The following WDR35 variants were observed in gnomAD, a reference collection of about 807,000 sequenced individuals.
WDR35 encodes the protein WD repeat domain 35, also known as WD repeat-containing protein 35.
WDR35 carries 118 observed loss-of-function variants against 158.3 expected under a neutral mutation model. The observed-to-expected ratio is 0.75, with a 90% CI of 0.64 to 0.87. WDR35 has a LOEUF of 0.87. Ranked by LOEUF, WDR35 falls within the 40% of genes least tolerant of loss-of-function variation. The pLI is 0.00. For synonymous variants in WDR35, 448 were observed against 476.1 expected (o/e 0.94, Z 0.77); for missense variants, 1,263 against 1,405.8 (o/e 0.90, Z 1.62).
chr2:19,949,168 T>C (rs1457655707), intron 13 of WDR35, among the ~76,000 whole-genome samples: 5 of 152,164 alleles, frequency 3.3e-5, no homozygotes, highest in Admixed American at 3.3e-4. Flanking sequence ...CTACAATTAT[T>C]TCAAGGTAAA....
chr2:19,913,859 T>G (rs1461560077), intron 26 of WDR35, 151 bp from the exon 27 acceptor site: 11 of 1,419,520 alleles, frequency 7.7e-6, no homozygotes, highest in Admixed American at 2.3e-5. Context: ...GAAAAAACCT[T>G]TCTTACAATG....
rs1469110578 is a variant in WDR35 at position 19,933,511 on chromosome 2, C to A, written c.2548G>T (p.Glu850Ter). 1.2e-6 allele frequency: 2 copies of A among 1,611,606 alleles called. No homozygotes were observed. The highest frequency in any genetic ancestry group is 2.7e-5 in the African/African-American group (2 of 74,878). ...ACTCTGACAAACATTTGTGCTATTT[C>A]CTGTACAAACAAAACAATACTATCA... ...SLPENHKLLPEIAQMFVRVGM... is the reference protein window; with the variant it reads ...SLPENHKLLP The change falls in exon 22 of 27, where the codon GAA becomes TAA. Residue 850 changes from glutamate (E) to a stop codon, truncating the protein, a stop_gained and splice_region_variant. Coordinates refer to ENST00000281405, the MANE Select transcript of WDR35 (RefSeq NM_020779.4). LOFTEE classifies it high-confidence loss of function.
chr2:19,943,982 T>A (rs1176112523), intron 16 of WDR35, among the ~76,000 whole-genome samples: 1 of 152,056 alleles, frequency 6.6e-6, no homozygotes, highest in Non-Finnish European at 1.5e-5. Flanking sequence ...CAATAACTTA[T>A]CTCCTAAATA....
At chr2:19,948,312 T>C (rs1671123422) in intron 13 of WDR35, 95 bp from the exon 14 acceptor site, 1 of 1,166,308 alleles carries the variant, frequency 8.6e-7, no homozygotes, top group Non-Finnish European at 1.2e-6. Flanking sequence ...GCAGTCAATA[T>C]TTCTTAACTT....
chr2:19,933,489 C>G lies in WDR35; in HGVS notation c.2570G>C (p.Arg857Thr), dbSNP rs1670591823. ...CACTGCTTGTTCACACATTCCAACTCTGACAAACATTTGTGCTATTTCCTG... is the reference window on the plus strand; with the variant it reads ...CACTGCTTGTTCACACATTCCAACTGTGACAAACATTTGTGCTATTTCCTG... ...LLPEIAQMFVRVGMCEQAVTA... is the reference protein window; with the variant it reads ...LLPEIAQMFVTVGMCEQAVTA... Residue 857 changes from arginine to threonine, a missense_variant, in exon 22 of 27, where the codon AGA (arginine) becomes ACA (threonine). Transcript: ENST00000281405. 6.2e-7 allele frequency: 1 copy of G among 1,613,802 alleles called. No individual in the cohort carries two copies. The highest frequency in any genetic ancestry group is 1.1e-5 in the South Asian group (1 of 91,082).
At chr2:19,926,494 G>A (rs1670359073) in intron 25 of WDR35, among the ~76,000 whole-genome samples, 1 of 152,104 alleles carries the variant, frequency 6.6e-6, no homozygotes, top group African/African-American at 2.4e-5. Context: ...CTTCATACGT[G>A]GTTCATTCTA....
chr2:19,989,960 G>C (rs1165637490), intron 1 of WDR35, 32 bp downstream of exon 1: 5 of 1,612,818 alleles, frequency 3.1e-6, no homozygotes, highest in African/African-American at 1.3e-5. Flanking sequence ...CGGGAATGGC[G>C]GAGAAACGAG....
At chr2:19,917,389 T>G (rs1235320495) in intron 25 of WDR35, among the ~76,000 whole-genome samples, 2 of 152,186 alleles carry the variant, frequency 1.3e-5, no homozygotes, top group Non-Finnish European at 2.9e-5. Flanking sequence ...GGATGGAGAA[T>G]GAATTTGATT....
chr2:19,986,742 G>A (rs1463047598), intron 2 of WDR35, among the ~76,000 whole-genome samples: 2 of 152,186 alleles, frequency 1.3e-5, no homozygotes, highest in African/African-American at 4.8e-5. Context: ...TGTGAGAGAA[G>A]TAAACCTGAT....
In WDR35 at chr2:19,966,861, G is replaced by C. The variant is rs775925668; in HGVS notation, c.1057C>G (p.Arg353Gly). ...TVVYAYTRPD[R>G]PEYCVVFWDT... ...CAGAAGACAACACAATATTCTGGAC[G>C]ATCAGGTCTGGTATATGCATAAACT... The change falls in exon 10 of 27, where the codon CGT becomes GGT. Residue 353 changes from arginine (R) to glycine (G), a missense_variant. Physicochemically the swap from Arg to Gly is moderately radical, Grantham distance 125. Transcript: ENST00000281405. 1.2e-6 allele frequency: 2 copies of C among 1,613,844 alleles called. No individual in the cohort carries two copies. The highest frequency in any genetic ancestry group is 1.1e-5 in the South Asian group (1 of 91,030).
intron 5 of WDR35, among the ~76,000 whole-genome samples, chr2:19,977,196 A>G (rs946405505): frequency 1.3e-5 from 2 of 152,190 alleles, no homozygotes; most frequent in Non-Finnish European, 2.9e-5. Flanking sequence ...TCAATGGTTT[A>G]AATTACCATG....
intron 10 of WDR35, chr2:19,962,445 T>G (rs1421975608): frequency 1.0e-6 from 1 of 955,812 alleles, no homozygotes; most frequent in African/African-American, 1.6e-5. Flanking sequence ...TGACCAATAT[T>G]AGGAAAATAA....
chr2:19,913,240 T>A lies in WDR35; in HGVS notation c.*318A>T, dbSNP rs1444525927. On this transcript the variant is annotated 3_prime_UTR_variant, in exon 27 of 27. Coordinates refer to ENST00000281405, the MANE Select transcript of WDR35 (RefSeq NM_020779.4). Reference sequence around the variant, plus strand: ...AGATTTTTTAATGAATTCAGTTACCTTGACACTGTGAGAAAAAAATTTATT... The same window carrying A: ...AGATTTTTTAATGAATTCAGTTACCATGACACTGTGAGAAAAAAATTTATT... 1.6e-5 allele frequency: 4 copies of A among 249,234 alleles called. No individual in the cohort carries two copies. The East Asian group carries it at 4.0e-4, about 25-fold the overall frequency. 15.4% of individuals were successfully genotyped at this position (249,234 alleles called of 1,614,324 possible). A position where few individuals can be genotyped will look rare whatever the true frequency, so the allele number is the denominator to read the frequency against.
chr2:19,974,350 C>T lies in WDR35; in HGVS notation c.736+118G>A, dbSNP rs897873457. On this transcript the variant is annotated intron_variant, in intron 7 of 26. Coordinates refer to ENST00000281405, the MANE Select transcript of WDR35 (RefSeq NM_020779.4). ...CTTGAACCCGGGAGGCAGAAGTTGCCGTGAGCCAAGATCGTGCCACTGCAC... is the reference window on the plus strand; with the variant it reads ...CTTGAACCCGGGAGGCAGAAGTTGCTGTGAGCCAAGATCGTGCCACTGCAC... 8 of 1,054,384 alleles carry T rather than the reference C, an allele frequency of 7.6e-6. No homozygotes were observed. In the Admixed American group the frequency reaches 8.5e-5, roughly 11 times the overall value. 65.3% of individuals were successfully genotyped at this position (1,054,384 alleles called of 1,614,324 possible).
At chr2:19,984,515 A>G (rs1341175806) in intron 2 of WDR35, among the ~76,000 whole-genome samples, 1 of 152,268 alleles carries the variant, frequency 6.6e-6, no homozygotes, top group Non-Finnish European at 1.5e-5. Flanking sequence ...TTTAAAAGGC[A>G]TAATCGAAGA....
intron 25 of WDR35, among the ~76,000 whole-genome samples, chr2:19,921,601 G>C (rs1019620523): frequency 2.0e-5 from 3 of 152,100 alleles, no homozygotes; most frequent in African/African-American, 4.8e-5. Flanking sequence ...AGACTTAAAC[G>C]TAAGACCTAA....
intron 16 of WDR35, among the ~76,000 whole-genome samples, chr2:19,944,610 G>A (rs1670988958): frequency 6.6e-6 from 1 of 152,086 alleles, no homozygotes; most frequent in African/African-American, 2.4e-5. Context: ...CTTGAAAGAA[G>A]CCCATGCTTA....
intron 5 of WDR35, among the ~76,000 whole-genome samples, chr2:19,978,300 A>G (rs900057891): frequency 7.9e-5 from 12 of 152,204 alleles, no homozygotes; most frequent in Admixed American, 2.6e-4. Flanking sequence ...ACAAAGGTGC[A>G]GACTCTCAGA....
intron 12 of WDR35, 191 bp from the exon 13 acceptor site, chr2:19,951,675 T>G: frequency 2.0e-6 from 1 of 488,414 alleles, no homozygotes; most frequent in Non-Finnish European, 3.6e-6. Context: ...GTTTACTAGT[T>G]ATATAAATGA....
Sources: gnomAD v4.1 joint callset for allele counts (sites outside exome capture counted in the v4.1 genomes callset) on GRCh38, gnomAD v4.1.1 for gene constraint, MANE v1.5 for transcripts, NCBI Gene and HGNC (gene_info 2026-07-23, HGNC 2026-07-21) for gene names.